The following SNX11 variants were observed in gnomAD, a reference collection of about 807,000 sequenced individuals.
The protein encoded by SNX11 is sorting nexin 11.
Under a neutral mutation model 30.7 loss-of-function variants are expected in SNX11, and 19 were observed. The observed-to-expected ratio is 0.62, with a 90% CI of 0.43 to 0.91. SNX11 has a LOEUF of 0.91. SNX11 is among the 40% of genes least tolerant of loss of function. The pLI, the probability that SNX11 is intolerant of heterozygous loss-of-function variation, is 0.00. For synonymous variants in SNX11, 112 were observed against 119.0 expected (o/e 0.94, Z 0.38); for missense variants, 302 against 326.7 (o/e 0.92, Z 0.58).
intron 1 of SNX11, among the ~76,000 whole-genome samples, chr17:48,110,126 G>GA (rs998524685): frequency 1.5e-4 from 23 of 148,706 alleles, no homozygotes; most frequent in South Asian, 6.3e-4. Flanking sequence ...AAAGAGAAGA[G>GA]AAAAAAAAAA....
intron 1 of SNX11, among the ~76,000 whole-genome samples, chr17:48,108,417 A>T (rs2063458044): frequency 6.6e-6 from 1 of 152,256 alleles, no homozygotes. Flanking sequence ...GCCATCTGGC[A>T]CTAAAGGCTC....
chr17:48,122,957 A>G lies in SNX11; in HGVS notation c.*1449A>G, dbSNP rs752621799. 4 of 152,178 alleles carry G rather than the reference A, an allele frequency of 2.6e-5. No individual in the cohort carries two copies. Among genetic ancestry groups the G allele is most frequent in the Non-Finnish European group, 4.4e-5 (3 of 68,046 alleles). 9.4% of individuals were successfully genotyped at this position (152,178 alleles called of 1,614,324 possible). A position where few individuals can be genotyped will look rare whatever the true frequency, so the allele number is the denominator to read the frequency against. ...AGAGCTGGGATCCAACTCTTCTCAC[A>G]GTTCTGGGCGTGAACCTTGTTAGGT... On this transcript the variant is annotated 3_prime_UTR_variant, in exon 7 of 7. Transcript: ENST00000359238.
chr17:48,123,049 A>G lies in SNX11; in HGVS notation c.*1541A>G, dbSNP rs2063614945. The stretch of plus-strand genomic sequence containing the variant: ...AGGTGCCAGGTGCTGAAAGAGAAAT[A>G]AAGTTTGTCAACAGGCAGATGCAAA... On this transcript the variant is annotated 3_prime_UTR_variant, in exon 7 of 7. Coordinates refer to ENST00000359238, the MANE Select transcript of SNX11 (RefSeq NM_013323.3). 1.3e-5 allele frequency: 2 copies of G among 152,214 alleles called. No homozygotes were observed. Among genetic ancestry groups the G allele is most frequent in the South Asian group, 4.1e-4 (2 of 4,828 alleles). The allele number at this position is 152,214 out of a possible 1,614,324, so 9.4% of individuals were successfully genotyped here. A position where few individuals can be genotyped will look rare whatever the true frequency, so the allele number is the denominator to read the frequency against.
At chr17:48,117,704 C>T (rs34764028) in intron 4 of SNX11, among the ~76,000 whole-genome samples, 627 of 152,158 alleles carry the variant, frequency 4.1e-3, no homozygotes, top group Non-Finnish European at 6.9e-3. Flanking sequence ...GAGTGGGTTT[C>T]ATAAACAACA....
intron 1 of SNX11, among the ~76,000 whole-genome samples, chr17:48,111,344 C>T (rs2063490218): frequency 6.6e-6 from 1 of 152,064 alleles, no homozygotes; most frequent in Admixed American, 6.6e-5. Context: ...TGCTGTTAGG[C>T]TCGCTTTCAA....
intron 1 of SNX11, among the ~76,000 whole-genome samples, chr17:48,108,655 G>T (rs1029805162): frequency 6.6e-6 from 1 of 152,228 alleles, no homozygotes; most frequent in Non-Finnish European, 1.5e-5. Context: ...GGTGAAGAAA[G>T]TAAAGGAAAC....
In SNX11 at chr17:48,112,590, G is replaced by A. The variant is rs774783427; in HGVS notation, c.59G>A (p.Arg20His). 5.0e-6 allele frequency: 8 copies of A among 1,613,132 alleles called. No homozygotes were observed. In the Admixed American group the frequency reaches 6.7e-5, roughly 13 times the overall value. The change falls in exon 3 of 7, where the codon CGT (arginine) becomes CAT (histidine). Residue 20 changes from arginine to histidine, a missense_variant. Arg to His is a conservative substitution (Grantham distance 29). Transcript: ENST00000359238. Reference sequence around the variant, plus strand: ...TACCTACAGGAGGTGATTACAGTGCGTGTTCAGGACCCCCGAGTGCAGAAT... The same window carrying A: ...TACCTACAGGAGGTGATTACAGTGCATGTTCAGGACCCCCGAGTGCAGAAT... ...NQEQEEVITV[R>H]VQDPRVQNEG... is the part of the protein sequence containing the mutation.
rs886468408 is a variant in SNX11 at position 48,121,637 on chromosome 17, C to T, written c.*129C>T. 8.4e-6 allele frequency: 8 copies of T among 948,092 alleles called. No homozygotes were observed. The African/African-American group carries it at 1.1e-4, about 14-fold the overall frequency. 58.7% of individuals were successfully genotyped at this position (948,092 alleles called of 1,614,324 possible). ...TGTCTTCTAGTCACCTCTGCTTGGG[C>T]TGATTGACAGAGGTCAGTCATTACA... On this transcript the variant is annotated 3_prime_UTR_variant, in exon 7 of 7. Transcript: ENST00000359238.
chr17:48,115,117 A>G (rs2063532649), intron 4 of SNX11, among the ~76,000 whole-genome samples: 1 of 147,036 alleles, frequency 6.8e-6, no homozygotes, highest in Non-Finnish European at 1.5e-5. Context: ...GCTGGAGTAC[A>G]ATGGTGTGAT....
chr17:48,113,795 G>A (rs1434859873), intron 4 of SNX11, among the ~76,000 whole-genome samples: 1 of 151,932 alleles, frequency 6.6e-6, no homozygotes, highest in Admixed American at 6.6e-5. Flanking sequence ...CAGTCCTCCT[G>A]CCTTGGCCTT....
chr17:48,118,878 C>A, intron 5 of SNX11, 79 bp downstream of exon 5: 1 of 1,544,532 alleles, frequency 6.5e-7, no homozygotes, highest in Non-Finnish European at 8.9e-7. Flanking sequence ...GGATGGAGCT[C>A]CCTGCTCAGG....
intron 1 of SNX11, among the ~76,000 whole-genome samples, chr17:48,108,208 C>T (rs138691552): frequency 8.1e-4 from 123 of 152,222 alleles, no homozygotes; most frequent in Middle Eastern, 3.4e-3. Flanking sequence ...TTTACGTGGA[C>T]ACGGGAGACT....
At chr17:48,114,464 T>TC (rs1408708927) in intron 4 of SNX11, among the ~76,000 whole-genome samples, 1 of 149,156 alleles carries the variant, frequency 6.7e-6, no homozygotes. Context: ...CTTCTTTTTT[T>TC]TTTTTTTTTT....
chr17:48,118,854 G>A (rs2063571434), intron 5 of SNX11, 55 bp downstream of exon 5: 2 of 1,570,206 alleles, frequency 1.3e-6, no homozygotes. Context: ...AGGGGTGGAG[G>A]AATGTGCCAG....
chr17:48,120,156 G>T, intron 6 of SNX11, among the ~76,000 whole-genome samples: 1 of 147,380 alleles, frequency 6.8e-6, no homozygotes, highest in Admixed American at 6.8e-5. Context: ...CATTTATATG[G>T]TGCTATATAC....
At chr17:48,111,240 G>A (rs552083146) in intron 1 of SNX11, 22 of 421,978 alleles carry the variant, frequency 5.2e-5, no homozygotes, top group Non-Finnish European at 6.0e-5. Context: ...TGATTCACCT[G>A]TGGGGAGTTG....
chr17:48,119,695 G>T (rs979735479), intron 6 of SNX11, among the ~76,000 whole-genome samples: 1 of 150,706 alleles, frequency 6.6e-6, no homozygotes, highest in Admixed American at 6.7e-5. Context: ...TAGGTGATCC[G>T]CCTGCCTCTG....
intron 1 of SNX11, among the ~76,000 whole-genome samples, chr17:48,111,647 C>CAAAAA (rs36043565): frequency 3.8e-5 from 5 of 132,948 alleles, no homozygotes; most frequent in Admixed American, 7.7e-5. Context: ...AACTCTGCCT[C>CAAAAA]AAAAAAAAAA....
chr17:48,112,265 G>A, intron 2 of SNX11, 180 bp downstream of exon 2: 1 of 705,240 alleles, frequency 1.4e-6, no homozygotes, highest in Non-Finnish European at 2.5e-6. Flanking sequence ...TAGGAAATTG[G>A]GGTTCCATTC....
Sources: allele counts gnomAD v4.1 joint callset (sites outside exome capture counted in the v4.1 genomes callset), GRCh38; gene constraint gnomAD v4.1.1; transcripts MANE v1.5; gene names NCBI Gene and HGNC (gene_info 2026-07-23, HGNC 2026-07-21).